RNGTT: variants seen among roughly 807,000 people sequenced by gnomAD.
RNGTT encodes the protein RNA guanylyltransferase and 5'-phosphatase.
RNGTT carries 33 observed loss-of-function variants against 79.3 expected under a neutral mutation model. The observed-to-expected ratio is 0.42, with a 90% CI of 0.32 to 0.56. The LOEUF (loss-of-function observed/expected upper bound fraction) is 0.56. RNGTT is among the 20% of genes least tolerant of loss of function. The pLI, the probability that RNGTT is intolerant of heterozygous loss-of-function variation, is 0.17. For synonymous variants in RNGTT, 222 were observed against 235.9 expected (o/e 0.94, Z 0.54); for missense variants, 497 against 739.1 (o/e 0.67, Z 3.80).
intron 11 of RNGTT, among the ~76,000 whole-genome samples, chr6:88,833,542 A>C (rs184431511): frequency 6.6e-6 from 1 of 152,176 alleles, no homozygotes; most frequent in Non-Finnish European, 1.5e-5. Flanking sequence ...ACAAACCTAC[A>C]TGTTCTGCAC....
chr6:88,877,157 T>G (rs1376987028), intron 8 of RNGTT, among the ~76,000 whole-genome samples: 1 of 152,242 alleles, frequency 6.6e-6, no homozygotes, highest in Non-Finnish European at 1.5e-5. Flanking sequence ...CCTAAAAGAA[T>G]TCTGAGTGAA....
chr6:88,732,757 CATA>C (rs1777158317), intron 13 of RNGTT, among the ~76,000 whole-genome samples: 1 of 152,052 alleles, frequency 6.6e-6, no homozygotes, highest in African/African-American at 2.4e-5. Context: ...AATTCAAAAT[CATA>C]GATGGAAAGT....
intron 14 of RNGTT, among the ~76,000 whole-genome samples, chr6:88,667,324 G>A (rs1331552608): frequency 6.6e-6 from 1 of 152,214 alleles, no homozygotes; most frequent in African/African-American, 2.4e-5. Context: ...CTGTGCATGA[G>A]ACCACCCATC....
chr6:88,920,136 A>T (rs1330480833), intron 4 of RNGTT, among the ~76,000 whole-genome samples: 1 of 152,094 alleles, frequency 6.6e-6, no homozygotes, highest in African/African-American at 2.4e-5. Context: ...AAATTATTTA[A>T]TATAATACAA....
chr6:88,936,794 TC>T (rs1282720899), intron 2 of RNGTT, among the ~76,000 whole-genome samples: 1 of 152,228 alleles, frequency 6.6e-6, no homozygotes, highest in East Asian at 1.9e-4. Flanking sequence ...TAGAATTCCC[TC>T]CTCTTCAATC....
At chr6:88,698,260 A>AATATATATATATGATATATATTCAT (rs1229457522) in intron 13 of RNGTT, among the ~76,000 whole-genome samples, 4 of 95,428 alleles carry the variant, frequency 4.2e-5, no homozygotes, top group African/African-American at 3.7e-4. Context: ...TATATATATA[A>AATATATATATATGATATATATTCAT]ATATATATGA....
chr6:88,636,422 T>C (rs566525799), intron 14 of RNGTT, among the ~76,000 whole-genome samples: 8 of 152,156 alleles, frequency 5.3e-5, no homozygotes, highest in South Asian at 2.1e-4. Context: ...AGGTCACAGA[T>C]AGTGTTTGTA....
intron 13 of RNGTT, among the ~76,000 whole-genome samples, chr6:88,715,144 A>T (rs1443374234): frequency 6.6e-6 from 1 of 152,196 alleles, no homozygotes; most frequent in Non-Finnish European, 1.5e-5. Context: ...AATGTACAAA[A>T]ATCATAAGCA....
chr6:88,828,805 TAATGA>T (rs950757207), intron 11 of RNGTT, among the ~76,000 whole-genome samples: 3 of 151,638 alleles, frequency 2.0e-5, no homozygotes, highest in African/African-American at 7.3e-5. Context: ...AAGATCAACT[TAATGA>T]AATGAAGCCT....
At chr6:88,664,149 G>T (rs1452853474) in intron 14 of RNGTT, among the ~76,000 whole-genome samples, 2 of 152,124 alleles carry the variant, frequency 1.3e-5, no homozygotes, top group African/African-American at 4.8e-5. Context: ...GAGACAGAGG[G>T]TATGCAAAGG....
intron 4 of RNGTT, among the ~76,000 whole-genome samples, chr6:88,908,470 C>T (rs1425380601): frequency 6.6e-6 from 1 of 152,132 alleles, no homozygotes; most frequent in Non-Finnish European, 1.5e-5. Context: ...ACACTGAAAG[C>T]CAATAGAGAG....
intron 13 of RNGTT, among the ~76,000 whole-genome samples, chr6:88,768,028 T>C (rs2127840944): frequency 6.6e-6 from 1 of 152,332 alleles, no homozygotes; most frequent in Admixed American, 6.5e-5. Context: ...CCTTGGATTA[T>C]AATCAGACTC....
At chr6:88,796,065 G>GCAAGTC (rs566503588) in intron 12 of RNGTT, among the ~76,000 whole-genome samples, 46 of 152,280 alleles carry the variant, frequency 3.0e-4, no homozygotes, top group Non-Finnish European at 6.3e-4. Flanking sequence ...TTGAACAGTG[G>GCAAGTC]CAAGTCCAAG....
chr6:88,643,709 T>C (rs967391677), intron 14 of RNGTT, among the ~76,000 whole-genome samples: 22 of 152,176 alleles, frequency 1.4e-4, no homozygotes, highest in Non-Finnish European at 2.6e-4. Context: ...CACTCAAAAC[T>C]GCTCAACTAC....
At chr6:88,821,881 T>TA (rs35445708) in intron 11 of RNGTT, among the ~76,000 whole-genome samples, 3,065 of 138,998 alleles carry the variant, frequency 0.022, 87 homozygotes, top group African/African-American at 0.072. Context: ...ATTAGGCCAC[T>TA]AAAAAAAAAA....
intron 13 of RNGTT, among the ~76,000 whole-genome samples, chr6:88,724,050 T>C (rs1776800968): frequency 6.6e-6 from 1 of 152,144 alleles, no homozygotes; most frequent in Non-Finnish European, 1.5e-5. Flanking sequence ...CCTAACTCTT[T>C]TTACAAAAGA....
At chr6:88,869,728 G>A (rs145225822) in intron 8 of RNGTT, among the ~76,000 whole-genome samples, 69 of 152,194 alleles carry the variant, frequency 4.5e-4, no homozygotes, top group African/African-American at 1.6e-3. Flanking sequence ...AATTTCAACA[G>A]CTAATACTAC....
chr6:88,834,747 G>C (rs1263021451), intron 11 of RNGTT, among the ~76,000 whole-genome samples: 1 of 152,060 alleles, frequency 6.6e-6, no homozygotes, highest in Non-Finnish European at 1.5e-5. Context: ...TGAACTACTA[G>C]TCTTGAACAG....
At chr6:88,687,995 A>C (rs1223311541) in intron 13 of RNGTT, among the ~76,000 whole-genome samples, 1 of 152,206 alleles carries the variant, frequency 6.6e-6, no homozygotes, top group African/African-American at 2.4e-5. Context: ...AATGAAAATA[A>C]TTATATTTAC....
Sources: gnomAD v4.1 joint callset for allele counts (sites outside exome capture counted in the v4.1 genomes callset) on GRCh38, gnomAD v4.1.1 for gene constraint, MANE v1.5 for transcripts, NCBI Gene and HGNC (gene_info 2026-07-23, HGNC 2026-07-21) for gene names.